The following DOP1B variants were observed in gnomAD, a reference collection of about 807,000 sequenced individuals.
DOP1B encodes protein DOP1B.
DOP1B carries 174 observed loss-of-function variants against 233.5 expected under a neutral mutation model. The ratio of observed to expected loss-of-function variants is 0.75; its 90% confidence interval spans 0.66 to 0.85. The LOEUF (loss-of-function observed/expected upper bound fraction) is 0.85. DOP1B is among the 40% of genes least tolerant of loss of function. DOP1B has a pLI of 0.00. For synonymous variants in DOP1B, 1,190 were observed against 1,185.6 expected, an observed-to-expected ratio of 1.00 and a Z score of -0.08; for missense variants, 2,652 against 2,846.6, an observed-to-expected ratio of 0.93 and a Z score of 1.56.
chr21:36,281,226 G>A (rs2067412038), intron 31 of DOP1B, among the ~76,000 whole-genome samples: 1 of 152,186 alleles, frequency 6.6e-6, no homozygotes, highest in Admixed American at 6.6e-5. Context: ...AACCCAGGAG[G>A]TCGAGGCCGC....
In DOP1B at chr21:36,168,969, G is replaced by A. The variant is rs537893142; in HGVS notation, c.138+4098G>A. The A allele has an allele frequency of 8.3e-4, 597 of 716,502 alleles. 2 individuals carry two copies. The highest frequency in any genetic ancestry group is 1.2e-3 in the Middle Eastern group (3 of 2,478). 44.4% of individuals were successfully genotyped at this position (716,502 alleles called of 1,614,324 possible). A position where few individuals can be genotyped will look rare whatever the true frequency, so the allele number is the denominator to read the frequency against. ...ACCAGGTGCAAAACCTGTTCCTGGC[G>A]TTAAGCTCCTTCTTCCTTTGCAATT... On this transcript the variant is annotated intron_variant, in intron 2 of 36. Coordinates refer to ENST00000691173, the MANE Select transcript of DOP1B (RefSeq NM_001320714.2).
intron 35 of DOP1B, among the ~76,000 whole-genome samples, chr21:36,290,940 A>G (rs1468837308): frequency 6.6e-6 from 1 of 151,972 alleles, no homozygotes; most frequent in African/African-American, 2.4e-5. Flanking sequence ...ACTGCACTCC[A>G]GCCTAGGCAA....
In DOP1B at chr21:36,263,747, G is replaced by A; in HGVS notation, c.5421-1G>A. 6.2e-7 allele frequency: 1 copy of A among 1,614,170 alleles called. No individual in the cohort carries two copies. The stretch of plus-strand genomic sequence containing the variant: ...ATCTGAAGCTGATTGTCTCCCAACA[G>A]CATGCTGAATGACTTTGTAACAAGA... On this transcript the variant is annotated splice_acceptor_variant, in intron 25 of 36. Coordinates refer to ENST00000691173, the MANE Select transcript of DOP1B (RefSeq NM_001320714.2). LOFTEE classifies it high-confidence loss of function.
chr21:36,281,771 A>G (rs1363353404), intron 32 of DOP1B, among the ~76,000 whole-genome samples, 160 bp downstream of exon 32: 1 of 152,164 alleles, frequency 6.6e-6, no homozygotes, highest in Non-Finnish European at 1.5e-5. Context: ...GCAACATCCT[A>G]TGGCAGAAGG....
Position 36,230,541 on chromosome 21 carries a change from C to G in DOP1B, c.1757C>G (p.Ser586Cys), listed in dbSNP as rs1282984029. 1 of 1,614,088 alleles carries G rather than the reference C, an allele frequency of 6.2e-7. No homozygotes were observed. Among genetic ancestry groups the G allele is most frequent in the Non-Finnish European group, 8.5e-7 (1 of 1,180,054 alleles). ...GATGCTTCGTTTCCCCCTCTGAAGTCTGAGGACAGTGGGATCGGGCTCAGT... is the reference window on the plus strand; with the variant it reads ...GATGCTTCGTTTCCCCCTCTGAAGTGTGAGGACAGTGGGATCGGGCTCAGT... ...DEDASFPPLK[S>C]EDSGIGLSAS... Residue 586 changes from serine (S) to cysteine (C), a missense_variant, in exon 14 of 37, where the codon TCT becomes TGT. Around this residue, in one of 3 missense-constraint regions of DOP1B, gnomAD observed 2,617 missense variants for 2,794.3 expected, o/e 0.94. Coordinates refer to ENST00000691173, the MANE Select transcript of DOP1B (RefSeq NM_001320714.2).
chr21:36,230,279 C>T (rs926977396), intron 13 of DOP1B, among the ~76,000 whole-genome samples, 171 bp from the exon 14 acceptor site: 2 of 152,196 alleles, frequency 1.3e-5, no homozygotes, highest in African/African-American at 2.4e-5. Flanking sequence ...CGCTCTCCTT[C>T]TCCTGCTTTG....
intron 1 of DOP1B, among the ~76,000 whole-genome samples, chr21:36,157,532 C>T (rs1035802795): frequency 6.6e-6 from 1 of 152,248 alleles, no homozygotes; most frequent in Non-Finnish European, 1.5e-5. Flanking sequence ...CTGTTACCCG[C>T]AGTGTTGCCT....
chr21:36,182,505 A>G (rs1203807808), intron 2 of DOP1B, among the ~76,000 whole-genome samples: 1 of 151,938 alleles, frequency 6.6e-6, no homozygotes, highest in Non-Finnish European at 1.5e-5. Flanking sequence ...ACAAAAAGGA[A>G]CACACACTGC....
intron 4 of DOP1B, among the ~76,000 whole-genome samples, chr21:36,201,342 A>ATTTTTTTTTTTTTTTTTTTTTT (rs1187890925): frequency 2.1e-5 from 1 of 46,980 alleles, no homozygotes; most frequent in African/African-American, 1.2e-4. Flanking sequence ...TATCTATTGG[A>ATTTTTTTTTTTTTTTTTTTTTT]TTCTTTTTTT....
intron 27 of DOP1B, among the ~76,000 whole-genome samples, chr21:36,276,492 C>T (rs890973697): frequency 6.6e-6 from 1 of 152,138 alleles, no homozygotes; most frequent in African/African-American, 2.4e-5. Context: ...GATCATGCCA[C>T]TGCACTCCAG....
At chr21:36,214,647 T>A in intron 9 of DOP1B, 91 bp downstream of exon 9, 1 of 1,070,560 alleles carries the variant, frequency 9.3e-7, no homozygotes. Flanking sequence ...ACCAAAGCGT[T>A]ATTTTGAATA....
chr21:36,193,467 G>C (rs879828113), intron 2 of DOP1B, among the ~76,000 whole-genome samples: 3 of 152,112 alleles, frequency 2.0e-5, no homozygotes, highest in Non-Finnish European at 4.4e-5. Flanking sequence ...GTCACAGGGC[G>C]TTCAGGGGAG....
intron 15 of DOP1B, 99 bp downstream of exon 15, chr21:36,233,174 T>C: frequency 1.4e-6 from 2 of 1,437,220 alleles, no homozygotes; most frequent in South Asian, 2.8e-5. Context: ...CCCACTTCTC[T>C]GAGAGTGATA....
In DOP1B at chr21:36,237,311, A is replaced by G. The variant is rs2123565337; in HGVS notation, c.2672A>G (p.His891Arg). Residue 891 changes from histidine to arginine, a missense_variant, in exon 16 of 37, where the codon CAT (histidine) becomes CGT (arginine). By Grantham distance (29) the His-to-Arg change is conservative (BLOSUM62 0). Transcript: ENST00000691173. ...CAGCTGAACAAAGAGACCCGGGAGC[A>G]TCACGTCACCTGCGTAGAATTGTTC... ...WNQLNKETRE[H>R]HVTCVELFYR... 1 of 1,614,166 alleles carries G rather than the reference A, an allele frequency of 6.2e-7. No homozygotes were observed.
At chr21:36,259,359 C>T (rs1054665044) in intron 23 of DOP1B, among the ~76,000 whole-genome samples, 15 of 151,832 alleles carry the variant, frequency 9.9e-5, no homozygotes, top group Non-Finnish European at 1.8e-4. Flanking sequence ...CAACCTCTGC[C>T]TCCTGGGTTC....
intron 11 of DOP1B, among the ~76,000 whole-genome samples, chr21:36,225,279 G>A (rs1040560805): frequency 4.6e-5 from 7 of 151,746 alleles, no homozygotes; most frequent in African/African-American, 1.7e-4. Context: ...ACCCAGGCTG[G>A]AGTGCAGTGG....
chr21:36,178,689 A>G (rs2123425433), intron 2 of DOP1B, among the ~76,000 whole-genome samples: 1 of 152,324 alleles, frequency 6.6e-6, no homozygotes, highest in South Asian at 2.1e-4. Flanking sequence ...TATTTTTCAG[A>G]AAAAAAGCAA....
At position 36,248,489 on chromosome 21, in the gene DOP1B, A is replaced by T. The variant is rs936799171; in HGVS notation, c.4919A>T (p.Lys1640Met). ...GCCCTTCTCTGGAATGTTCTCAGAA[A>T]GGAGGAGACTCAAAAGAGACCTGTC... ...TMALLWNVLR[K>M]EETQKRPVDL... The change falls in exon 21 of 37, where the codon AAG (lysine) becomes ATG (methionine). Residue 1640 changes from lysine to methionine, a missense_variant. This residue lies in a region of DOP1B where 2,617 missense variants were observed against 2,794.3 expected (regional missense o/e 0.94). Transcript: ENST00000691173. 5 of 1,614,102 alleles carry T rather than the reference A, an allele frequency of 3.1e-6. No homozygotes were observed. The African/African-American group carries it at 6.7e-5, about 22-fold the overall frequency.
chr21:36,236,583 G>A (rs2066829489), intron 15 of DOP1B, among the ~76,000 whole-genome samples: 1 of 152,114 alleles, frequency 6.6e-6, no homozygotes, highest in South Asian at 2.1e-4. Flanking sequence ...GCACCTGCCT[G>A]TTGAAAGAAT....
Sources: gnomAD v4.1 joint callset for allele counts (sites outside exome capture counted in the v4.1 genomes callset) on GRCh38, gnomAD v4.1.1 for gene constraint, gnomAD v4.1.1 regional missense constraint, MANE v1.5 for transcripts, NCBI Gene and HGNC (gene_info 2026-07-23, HGNC 2026-07-21) for gene names.